The following BRINP3 variants were observed in gnomAD, a reference collection of about 807,000 sequenced individuals.
BRINP3 encodes the protein BMP/retinoic acid inducible neural specific 3.
In BRINP3, 19 loss-of-function variants were observed where a neutral mutation model predicts 71.0. The observed-to-expected ratio is 0.27, with a 90% CI of 0.19 to 0.39. BRINP3 has a LOEUF of 0.39. Ranked by LOEUF, BRINP3 falls within the 10% of genes least tolerant of loss-of-function variation. The pLI is 1.00. For synonymous variants in BRINP3, 380 were observed against 337.7 expected, an observed-to-expected ratio of 1.13 and a Z score of -1.37; for missense variants, 959 against 940.8, an observed-to-expected ratio of 1.02 and a Z score of -0.25.
intron 3 of BRINP3, among the ~76,000 whole-genome samples, chr1:190,277,762 C>T (rs915544088): frequency 6.6e-6 from 1 of 151,612 alleles, no homozygotes; most frequent in South Asian, 2.1e-4. Context: ...TATTCCATAG[C>T]TAGAAATCAA....
intron 2 of BRINP3, among the ~76,000 whole-genome samples, chr1:190,341,555 C>T (rs2103112705): frequency 6.6e-6 from 1 of 151,638 alleles, no homozygotes; most frequent in South Asian, 2.1e-4. Context: ...AACAAAACAA[C>T]AAAAAACGTG....
At chr1:190,360,617 A>T (rs2102118174) in intron 2 of BRINP3, among the ~76,000 whole-genome samples, 1 of 152,276 alleles carries the variant, frequency 6.6e-6, no homozygotes, top group South Asian at 2.1e-4. Flanking sequence ...CCCATGTAAC[A>T]AGAATGTAAT....
chr1:190,347,404 T>G (rs184964830), intron 2 of BRINP3, among the ~76,000 whole-genome samples: 3 of 152,156 alleles, frequency 2.0e-5, no homozygotes, highest in Non-Finnish European at 4.4e-5. Context: ...CCTCCCAAAG[T>G]GCTGGGATTA....
At chr1:190,400,708 G>T (rs1379749975) in intron 2 of BRINP3, among the ~76,000 whole-genome samples, 1 of 152,000 alleles carries the variant, frequency 6.6e-6, no homozygotes, top group Non-Finnish European at 1.5e-5. Context: ...TTGTTCATTT[G>T]TCTACTCTAT....
intron 2 of BRINP3, among the ~76,000 whole-genome samples, chr1:190,395,337 T>G (rs1361967180): frequency 6.6e-6 from 1 of 151,678 alleles, no homozygotes; most frequent in African/African-American, 2.4e-5. Context: ...TAGCAAAACC[T>G]CCATAAGTAC....
At chr1:190,118,517 T>C (rs1467311926) in intron 7 of BRINP3, among the ~76,000 whole-genome samples, 2 of 152,208 alleles carry the variant, frequency 1.3e-5, no homozygotes. Context: ...CTCGCCTTTA[T>C]TAACTCACGT....
rs181036191 is a variant in BRINP3, at chr1:190,117,179, T to C, written c.1185-18045A>G. Among the ~76,000 whole-genome samples, 9 of 152,182 alleles carry C rather than the reference T, an allele frequency of 5.9e-5. No homozygotes were observed. The East Asian group carries it at 1.7e-3, about 29-fold the overall frequency. On this transcript the variant is annotated intron_variant, in intron 7 of 7. Coordinates refer to ENST00000367462, the MANE Select transcript of BRINP3 (RefSeq NM_199051.3). ...CAATCAATTAAGAAGAAGCATCTTG[T>C]TAAAGGCTTTATGGTTGTAGTATCA...
intron 2 of BRINP3, among the ~76,000 whole-genome samples, chr1:190,398,251 G>A (rs1447311110): frequency 6.6e-6 from 1 of 151,886 alleles, no homozygotes; most frequent in Non-Finnish European, 1.5e-5. Flanking sequence ...GATGAAGAGT[G>A]TGAAAGATCA....
intron 2 of BRINP3, among the ~76,000 whole-genome samples, chr1:190,404,746 T>C (rs1672149997): frequency 1.3e-5 from 2 of 152,198 alleles, no homozygotes; most frequent in South Asian, 4.1e-4. Context: ...AGATTAAGTA[T>C]CTTGCCGAAT....
chr1:190,315,444 C>T (rs1047109746), intron 2 of BRINP3, among the ~76,000 whole-genome samples: 1 of 152,102 alleles, frequency 6.6e-6, no homozygotes, highest in African/African-American at 2.4e-5. Context: ...CTGCAGATAA[C>T]ACCAGACAAC....
intron 2 of BRINP3, among the ~76,000 whole-genome samples, chr1:190,297,980 G>A (rs1225961782): frequency 1.3e-5 from 2 of 152,226 alleles, no homozygotes; most frequent in East Asian, 3.9e-4. Context: ...ATCTGGGCCT[G>A]AAGATTTATT....
chr1:190,249,009 T>A (rs1659871880), intron 4 of BRINP3, among the ~76,000 whole-genome samples: 1 of 151,896 alleles, frequency 6.6e-6, no homozygotes, highest in African/African-American at 2.4e-5. Flanking sequence ...TTCTAAAAGA[T>A]ATTGCTTTTT....
At chr1:190,168,116 G>T (rs1205182520) in intron 6 of BRINP3, among the ~76,000 whole-genome samples, 1 of 152,198 alleles carries the variant, frequency 6.6e-6, no homozygotes, top group East Asian at 1.9e-4. Context: ...GTGCTACTTA[G>T]AAATGTTTAA....
intron 6 of BRINP3, among the ~76,000 whole-genome samples, chr1:190,183,696 T>C (rs1653246227): frequency 6.6e-6 from 1 of 151,228 alleles, no homozygotes; most frequent in African/African-American, 2.4e-5. Context: ...TTTCTGACTT[T>C]CCAGTAGAAG....
Position 190,315,881 on chromosome 1 carries a change from C to T in BRINP3, c.237-34131G>A, listed in dbSNP as rs185799643. 4.8e-3 allele frequency among the ~76,000 whole-genome samples: 723 copies of T among 152,174 alleles called. 2 individuals carry two copies. Among genetic ancestry groups the T allele is most frequent in the Non-Finnish European group, 6.6e-3 (450 of 67,988 alleles). On this transcript the variant is annotated intron_variant, in intron 2 of 7. Coordinates refer to ENST00000367462, the MANE Select transcript of BRINP3 (RefSeq NM_199051.3). ...TACCTCATTTCCTCTTTTTTCTAAA[C>T]ACACAGGCAAACAATACTTCCCAGC...
chr1:190,361,057 G>A (rs1178600941), intron 2 of BRINP3, among the ~76,000 whole-genome samples: 1 of 151,878 alleles, frequency 6.6e-6, no homozygotes, highest in Non-Finnish European at 1.5e-5. Flanking sequence ...AAAAGTCGGG[G>A]TGGGGAGGTG....
intron 4 of BRINP3, among the ~76,000 whole-genome samples, chr1:190,244,117 G>A (rs868741375): frequency 9.9e-5 from 15 of 151,818 alleles, no homozygotes; most frequent in Non-Finnish European, 1.9e-4. Flanking sequence ...TTAATGTAAC[G>A]AACTTGAATC....
Position 190,138,599 on chromosome 1 carries a change from T to C in BRINP3, c.1184+22069A>G, listed in dbSNP as rs139978282. On this transcript the variant is annotated intron_variant, in intron 7 of 7. Transcript: ENST00000367462. ...GCCTTGGTATAGGTGGCATATGTGG[T>C]GGGCAGGGGTTTGAGGGAGAAATAA... 5.6e-3 allele frequency among the ~76,000 whole-genome samples: 847 copies of C among 152,100 alleles called. 10 individuals are homozygous for C. The highest frequency in any genetic ancestry group is 0.019 in the African/African-American group (786 of 41,528).
chr1:190,401,927 C>A (rs1247663754), intron 2 of BRINP3, among the ~76,000 whole-genome samples: 2 of 151,688 alleles, frequency 1.3e-5, no homozygotes, highest in African/African-American at 4.8e-5. Context: ...CTTCAATTAG[C>A]AACTATATAT....
Sources: allele counts gnomAD v4.1 joint callset (sites outside exome capture counted in the v4.1 genomes callset), GRCh38; gene constraint gnomAD v4.1.1; transcripts MANE v1.5; gene names NCBI Gene and HGNC (gene_info 2026-07-23, HGNC 2026-07-21).